Variants in SLC25A26 observed in about 807,000 individuals in gnomAD.
SLC25A26 encodes mitochondrial S-adenosylmethionine carrier protein.
Under a neutral mutation model 37.8 loss-of-function variants are expected in SLC25A26, and 36 were observed. The observed-to-expected ratio is 0.95, with a 90% CI of 0.73 to 1.26. The LOEUF (loss-of-function observed/expected upper bound fraction) is 1.26. Ranked by LOEUF, SLC25A26 falls within the 50% of genes most tolerant of loss-of-function variation. The pLI is 0.00. For synonymous variants in SLC25A26, 129 were observed against 122.5 expected, an observed-to-expected ratio of 1.05 and a Z score of -0.35; for missense variants, 390 against 331.1, an observed-to-expected ratio of 1.18 and a Z score of -1.38.
chr3:66,360,107 A>C (rs1422570600), intron 6 of SLC25A26, among the ~76,000 whole-genome samples: 2 of 152,174 alleles, frequency 1.3e-5, no homozygotes, highest in Non-Finnish European at 2.9e-5. Context: ...TCTTGTACCT[A>C]ATGAATTTCT....
At chr3:66,191,235 A>G (rs1375722309) in intron 1 of SLC25A26, among the ~76,000 whole-genome samples, 1 of 152,166 alleles carries the variant, frequency 6.6e-6, no homozygotes, top group Non-Finnish European at 1.5e-5. Context: ...TCTCTACAAA[A>G]ATACAAAAAA....
intron 5 of SLC25A26, among the ~76,000 whole-genome samples, chr3:66,313,444 A>G (rs1056890282): frequency 6.6e-6 from 1 of 151,990 alleles, no homozygotes; most frequent in Non-Finnish European, 1.5e-5. Context: ...GTGCCATCTT[A>G]TTTCTGAGTT....
chr3:66,226,154 T>C (rs185313332), intron 1 of SLC25A26, among the ~76,000 whole-genome samples: 1 of 152,266 alleles, frequency 6.6e-6, no homozygotes, highest in Non-Finnish European at 1.5e-5. Context: ...ACTGGGTAAT[T>C]TATAAAGGGA....
intron 1 of SLC25A26, among the ~76,000 whole-genome samples, chr3:66,150,603 GATATATATATATATATATAT>G (rs1169750069): frequency 0.046 from 1,202 of 26,114 alleles, 35 homozygotes; most frequent in Non-Finnish European, 0.059. Context: ...TATGTAATGA[GATATATATATATATATATAT>G]ATATATATAT....
In SLC25A26 at chr3:66,268,709, A is replaced by G. The variant is rs2073849728; in HGVS notation, c.453+5330A>G. The stretch of plus-strand genomic sequence containing the variant: ...ATGGTTTGGCTCTGTGTCCCCACCT[A>G]AATCTCATCTTGAATTGTAATCCCC... On this transcript the variant is annotated intron_variant, in intron 5 of 9. Coordinates refer to ENST00000354883, the MANE Select transcript of SLC25A26 (RefSeq NM_001379210.1). 2.0e-5 allele frequency among the ~76,000 whole-genome samples: 3 copies of G among 152,170 alleles called. No homozygotes were observed. In the South Asian group the frequency reaches 6.2e-4, roughly 32 times the overall value.
At chr3:66,168,894 G>A (rs1174064302) in intron 1 of SLC25A26, among the ~76,000 whole-genome samples, 1 of 152,238 alleles carries the variant, frequency 6.6e-6, no homozygotes, top group Non-Finnish European at 1.5e-5. Flanking sequence ...GGCCAAGGAG[G>A]GAGGATGGCT....
intron 5 of SLC25A26, among the ~76,000 whole-genome samples, chr3:66,303,861 G>C (rs2075142098): frequency 6.6e-6 from 1 of 152,186 alleles, no homozygotes; most frequent in Admixed American, 6.5e-5. Flanking sequence ...CAAATGCACA[G>C]GGCGGTTGGC....
At chr3:66,170,800 T>TG (rs2070485726) in intron 1 of SLC25A26, among the ~76,000 whole-genome samples, 1 of 123,712 alleles carries the variant, frequency 8.1e-6, no homozygotes, top group Non-Finnish European at 1.7e-5. Flanking sequence ...TGTTTTTTTT[T>TG]TTTTTTTTTT....
intron 1 of SLC25A26, among the ~76,000 whole-genome samples, chr3:66,161,866 C>G (rs2070364387): frequency 6.6e-6 from 1 of 152,168 alleles, no homozygotes; most frequent in African/African-American, 2.4e-5. Flanking sequence ...TGAAGACAGA[C>G]CCAGAAAGGA....
At chr3:66,196,367 G>A (rs1224227490) in intron 1 of SLC25A26, among the ~76,000 whole-genome samples, 1 of 152,186 alleles carries the variant, frequency 6.6e-6, no homozygotes, top group African/African-American at 2.4e-5. Context: ...ACATACCTGA[G>A]ATGAATAAAT....
intron 1 of SLC25A26, among the ~76,000 whole-genome samples, chr3:66,149,065 G>A (rs181210131): frequency 2.4e-4 from 37 of 152,266 alleles, no homozygotes; most frequent in African/African-American, 8.4e-4. Flanking sequence ...GCTGTGGGGT[G>A]CGGTGTGACT....
chr3:66,240,051 T>C (rs1288251153), intron 2 of SLC25A26, among the ~76,000 whole-genome samples: 2 of 152,138 alleles, frequency 1.3e-5, no homozygotes, highest in Admixed American at 1.3e-4. Context: ...AAGTTTGTGG[T>C]ATGGCACTAA....
chr3:66,238,673 A>G (rs2072417851), intron 2 of SLC25A26, among the ~76,000 whole-genome samples: 1 of 152,174 alleles, frequency 6.6e-6, no homozygotes, highest in Non-Finnish European at 1.5e-5. Flanking sequence ...CAAATGTTTT[A>G]TATACTGTAT....
intron 1 of SLC25A26, among the ~76,000 whole-genome samples, chr3:66,165,043 T>A (rs1336528125): frequency 6.6e-6 from 1 of 152,206 alleles, no homozygotes; most frequent in Non-Finnish European, 1.5e-5. Flanking sequence ...GTATGTGACC[T>A]CAGAGACTGT....
chr3:66,266,428 G>A (rs189294557), intron 5 of SLC25A26, among the ~76,000 whole-genome samples: 1 of 152,064 alleles, frequency 6.6e-6, no homozygotes, highest in African/African-American at 2.4e-5. Flanking sequence ...AGAATCACCT[G>A]GAAACGTATA....
intron 5 of SLC25A26, among the ~76,000 whole-genome samples, chr3:66,301,990 A>G (rs2075088635): frequency 6.6e-6 from 1 of 152,242 alleles, no homozygotes; most frequent in Non-Finnish European, 1.5e-5. Flanking sequence ...TGCTTAGGAC[A>G]GTGCCTGAAA....
chr3:66,138,099 G>A (rs921618773), intron 1 of SLC25A26, among the ~76,000 whole-genome samples: 12 of 152,154 alleles, frequency 7.9e-5, no homozygotes, highest in African/African-American at 2.9e-4. Context: ...CTCCCAAAGT[G>A]CTGGGATTAC....
chr3:66,286,270 ACT>A (rs1333552660), intron 5 of SLC25A26, among the ~76,000 whole-genome samples: 4 of 152,112 alleles, frequency 2.6e-5, no homozygotes, highest in Non-Finnish European at 4.4e-5. Context: ...ACTCTGCCTA[ACT>A]CTAAGTCATT....
At chr3:66,172,792 C>T (rs1393051959) in intron 1 of SLC25A26, among the ~76,000 whole-genome samples, 3 of 152,178 alleles carry the variant, frequency 2.0e-5, no homozygotes, top group African/African-American at 7.2e-5. Flanking sequence ...CCTCCAAGTT[C>T]TGCCTTCATG....
Sources: gnomAD v4.1 joint callset for allele counts (sites outside exome capture counted in the v4.1 genomes callset) on GRCh38, gnomAD v4.1.1 for gene constraint, MANE v1.5 for transcripts, NCBI Gene and HGNC (gene_info 2026-07-23, HGNC 2026-07-21) for gene names.